Variants in LIMCH1 observed in about 807,000 individuals in gnomAD.
LIMCH1 encodes the protein LIM and calponin homology domains-containing protein 1.
Under a neutral mutation model 176.5 loss-of-function variants are expected in LIMCH1, and 113 were observed. That is an observed-to-expected ratio of 0.64 (90% CI 0.55 to 0.75). The LOEUF (loss-of-function observed/expected upper bound fraction) is 0.75. Ranked by LOEUF, LIMCH1 falls within the 30% of genes least tolerant of loss-of-function variation. The pLI is 0.00. For synonymous variants in LIMCH1, 619 were observed against 645.9 expected (o/e 0.96, Z 0.63); for missense variants, 1,674 against 1,814.9 (o/e 0.92, Z 1.41).
chr4:41,384,365 G>A (rs1011480342), intron 1 of LIMCH1, among the ~76,000 whole-genome samples: 5 of 151,710 alleles, frequency 3.3e-5, no homozygotes, highest in Admixed American at 1.3e-4. Flanking sequence ...CCACCACGCC[G>A]GGCTATTTTT....
intron 18 of LIMCH1, among the ~76,000 whole-genome samples, chr4:41,653,298 A>G (rs1404041304): frequency 2.6e-5 from 4 of 151,778 alleles, no homozygotes; most frequent in Middle Eastern, 3.2e-3. Context: ...TTCCAAGCAA[A>G]GCATTTCTTG....
chr4:41,507,012 C>A (rs1350966338), intron 2 of LIMCH1, among the ~76,000 whole-genome samples: 1 of 152,176 alleles, frequency 6.6e-6, no homozygotes, highest in African/African-American at 2.4e-5. Flanking sequence ...TGGAGGCTCT[C>A]ATGGCCTCCT....
rs1235699758 is a variant in LIMCH1 at position 41,648,654 on chromosome 4, T to TA, written c.2821-1738dup. On this transcript the variant is annotated intron_variant, in intron 17 of 31. Coordinates refer to ENST00000503057, the MANE Select transcript of LIMCH1 (RefSeq NM_001330672.2). ...TAATGCCAGGACAGAAGCTAAGGGG[T>TA]AGGGGTGTGTGTGTGTGTGTGTGTG... Among the ~76,000 whole-genome samples the TA allele has an allele frequency of 9.1e-5, 12 of 131,420 alleles. 1 individual carries two copies. The highest frequency in any genetic ancestry group is 3.7e-4 in the African/African-American group (12 of 32,424). 86.2% of individuals were successfully genotyped at this position (131,420 alleles called of 152,430 possible). A position where few individuals can be genotyped will look rare whatever the true frequency, so the allele number is the denominator to read the frequency against.
chr4:41,439,586 TA>T (rs533601775), intron 1 of LIMCH1, among the ~76,000 whole-genome samples: 17 of 146,724 alleles, frequency 1.2e-4, no homozygotes, highest in East Asian at 4.0e-4. Flanking sequence ...CCTGTCTCAT[TA>T]AAAAAAAAAG....
At chr4:41,687,769 A>T in intron 28 of LIMCH1, 71 bp from the exon 29 acceptor site, 2 of 902,230 alleles carry the variant, frequency 2.2e-6, no homozygotes, top group South Asian at 1.6e-5. Flanking sequence ...CCTAATCTAA[A>T]ATGTCTTTTT....
At chr4:41,677,223 C>T (rs1711541047) in intron 23 of LIMCH1, among the ~76,000 whole-genome samples, 1 of 150,626 alleles carries the variant, frequency 6.6e-6, no homozygotes, top group African/African-American at 2.4e-5. Context: ...TAGCCTGAGA[C>T]CAACATGGAG....
At chr4:41,663,310 C>A (rs921363654) in intron 20 of LIMCH1, among the ~76,000 whole-genome samples, 3 of 151,978 alleles carry the variant, frequency 2.0e-5, no homozygotes, top group Non-Finnish European at 2.9e-5. Context: ...TCTGCCACCA[C>A]GCCCAGCTAA....
At chr4:41,662,011 TA>T (rs2094642114) in intron 19 of LIMCH1, 1 of 295,000 alleles carries the variant, frequency 3.4e-6, no homozygotes, top group African/African-American at 2.3e-5. Context: ...TGTTCCTCAA[TA>T]TTTTTTTGCA....
chr4:41,641,174 T>C (rs1052369771), intron 14 of LIMCH1, among the ~76,000 whole-genome samples: 1 of 152,074 alleles, frequency 6.6e-6, no homozygotes, highest in Non-Finnish European at 1.5e-5. Context: ...CCCAAGGGCA[T>C]AGACGTAGGT....
At chr4:41,568,976 G>A (rs2083146353) in intron 1 of LIMCH1, among the ~76,000 whole-genome samples, 2 of 151,826 alleles carry the variant, frequency 1.3e-5, no homozygotes, top group Admixed American at 1.3e-4. Context: ...TGCACAGAAT[G>A]TAATCAAGAA....
intron 1 of LIMCH1, among the ~76,000 whole-genome samples, chr4:41,468,748 C>A (rs1260295360): frequency 2.6e-5 from 4 of 152,094 alleles, no homozygotes; most frequent in Admixed American, 2.6e-4. Context: ...GGTGATCACA[C>A]TTTGGCCACC....
At chr4:41,631,108 T>C in intron 9 of LIMCH1, 40 bp from the exon 10 acceptor site, 1 of 1,417,736 alleles carries the variant, frequency 7.1e-7, no homozygotes, top group Non-Finnish European at 9.3e-7. Flanking sequence ...TATTGATTTG[T>C]ACTCAGACAC....
intron 1 of LIMCH1, among the ~76,000 whole-genome samples, chr4:41,552,666 C>T (rs577140989): frequency 1.3e-4 from 20 of 152,308 alleles, no homozygotes; most frequent in African/African-American, 4.6e-4. Flanking sequence ...CTTCTAGACA[C>T]TTGGTCTGTT....
At chr4:41,564,795 T>C (rs542980023) in intron 1 of LIMCH1, among the ~76,000 whole-genome samples, 1 of 152,268 alleles carries the variant, frequency 6.6e-6, no homozygotes, top group Middle Eastern at 3.4e-3. Context: ...GTGGAGATAA[T>C]TGAATCGTGG....
chr4:41,685,493 C>T (rs957960100), intron 27 of LIMCH1, among the ~76,000 whole-genome samples: 6 of 152,164 alleles, frequency 3.9e-5, no homozygotes, highest in African/African-American at 1.4e-4. Context: ...CATCAGAAAT[C>T]AGCGAGGGGA....
chr4:41,551,443 AC>A (rs1374005136), intron 1 of LIMCH1: 39 of 152,166 alleles, frequency 2.6e-4, no homozygotes, highest in African/African-American at 8.4e-4. Context: ...GTTAGCACTT[AC>A]TTTTATCAAA....
intron 22 of LIMCH1, 28 bp from the exon 23 acceptor site, chr4:41,676,354 C>G (rs1465993085): frequency 3.8e-6 from 6 of 1,595,874 alleles, no homozygotes; most frequent in Non-Finnish European, 5.2e-6. Context: ...TGGCTCAATT[C>G]TGATCATGGT....
At chr4:41,695,625 A>G (rs1174429967) in intron 31 of LIMCH1, among the ~76,000 whole-genome samples, 8 of 152,104 alleles carry the variant, frequency 5.3e-5, no homozygotes, top group East Asian at 1.9e-4. Flanking sequence ...ATATTGGGTA[A>G]TAAGGGTCAC....
intron 7 of LIMCH1, among the ~76,000 whole-genome samples, chr4:41,621,893 A>T (rs989955632): frequency 5.9e-5 from 9 of 152,020 alleles, no homozygotes; most frequent in Non-Finnish European, 1.2e-4. Context: ...ATACAGCTCC[A>T]CATGTGGTTA....
Sources: allele counts gnomAD v4.1 joint callset (sites outside exome capture counted in the v4.1 genomes callset), GRCh38; gene constraint gnomAD v4.1.1; transcripts MANE v1.5; gene names NCBI Gene and HGNC (gene_info 2026-07-23, HGNC 2026-07-21).